The following ZNF43 variants were observed in gnomAD, a reference collection of about 807,000 sequenced individuals.
ZNF43 encodes the protein zinc finger protein 43, also known as zinc finger protein 39-like 1 (KOX 27).
Under a neutral mutation model 68.4 loss-of-function variants are expected in ZNF43, and 44 were observed. The observed-to-expected ratio is 0.64, with a 90% CI of 0.51 to 0.83. The LOEUF (loss-of-function observed/expected upper bound fraction) is 0.83, where lower values mean the gene tolerates loss of function less well. Ranked by LOEUF, ZNF43 falls within the 40% of genes least tolerant of loss-of-function variation. The probability of loss-of-function intolerance (pLI) is 0.00; values close to 1 mark genes in which losing one functional copy is unlikely to be tolerated. For missense variants in ZNF43, 896 were observed against 933.2 expected (o/e 0.96, Z 0.52); for synonymous variants, 308 against 307.8 (o/e 1.00, Z -0.01).
At chr19:21,827,786 C>G (rs1447173331) in intron 1 of ZNF43, among the ~76,000 whole-genome samples, 1 of 151,904 alleles carries the variant, frequency 6.6e-6, no homozygotes, top group African/African-American at 2.4e-5. Flanking sequence ...CTCAGCCTCC[C>G]AAGTAGCTAG....
At chr19:21,844,827 G>A (rs955927011) in intron 1 of ZNF43, among the ~76,000 whole-genome samples, 70 of 145,122 alleles carry the variant, frequency 4.8e-4, no homozygotes, top group Non-Finnish European at 9.4e-4. Flanking sequence ...AACCCAGCAG[G>A]TGGAGCTTGC....
chr19:21,829,693 G>A (rs1443262170), intron 1 of ZNF43, among the ~76,000 whole-genome samples: 2 of 152,108 alleles, frequency 1.3e-5, no homozygotes, highest in Admixed American at 6.6e-5. Context: ...GAACAAGATA[G>A]TCTCTCTTAT....
At chr19:21,824,732 T>TAAAAAAAA (rs34739856) in intron 1 of ZNF43, among the ~76,000 whole-genome samples, 1 of 107,234 alleles carries the variant, frequency 9.3e-6, no homozygotes, top group African/African-American at 3.2e-5. Flanking sequence ...TATGTTTACC[T>TAAAAAAAA]AAAAAAAAAA....
chr19:21,827,270 A>G (rs1357265430), intron 1 of ZNF43: 1 of 152,150 alleles, frequency 6.6e-6, no homozygotes, highest in Non-Finnish European at 1.5e-5. Context: ...CAATTTCCAC[A>G]TGCACCTTTT....
At chr19:21,838,524 C>T (rs1338023502), upstream of ZNF43, among the ~76,000 whole-genome samples, 3 of 151,886 alleles carry the variant, frequency 2.0e-5, no homozygotes, top group Non-Finnish European at 2.9e-5. Context: ...CTCAGCCTCC[C>T]GAGTAGCTGG....
chr19:21,844,461 G>T (rs1003514835), intron 1 of ZNF43, among the ~76,000 whole-genome samples: 5 of 150,996 alleles, frequency 3.3e-5, no homozygotes, highest in African/African-American at 1.2e-4. Flanking sequence ...TGAGAGAGTG[G>T]TAATTCTCCA....
At chr19:21,821,050 G>T (rs370845837) in intron 1 of ZNF43, among the ~76,000 whole-genome samples, 71 of 150,726 alleles carry the variant, frequency 4.7e-4, no homozygotes, top group African/African-American at 1.5e-3. Context: ...GGTCAGGCTG[G>T]TCTCAAACTC....
At chr19:21,849,107 T>C (rs1599554855) in intron 1 of ZNF43, among the ~76,000 whole-genome samples, 1 of 152,030 alleles carries the variant, frequency 6.6e-6, no homozygotes, top group Admixed American at 6.6e-5. Flanking sequence ...GTTGGTGGGG[T>C]GGGCAAAGAA....
chr19:21,844,664 G>A (rs576083546), intron 1 of ZNF43, among the ~76,000 whole-genome samples: 2 of 151,564 alleles, frequency 1.3e-5, no homozygotes, highest in South Asian at 2.1e-4. Context: ...TTGGGAGACC[G>A]AGGCAGGCGG....
At chr19:21,837,411 CTTACTTT>C (rs1967186304), upstream of ZNF43, among the ~76,000 whole-genome samples, 1 of 131,272 alleles carries the variant, frequency 7.6e-6, no homozygotes, top group Non-Finnish European at 1.6e-5. Flanking sequence ...TTTGCCTACA[CTTACTTT>C]TTTTTTTTTT....
intron 1 of ZNF43, among the ~76,000 whole-genome samples, chr19:21,832,948 A>G (rs1226499167): frequency 4.6e-5 from 7 of 152,230 alleles, no homozygotes; most frequent in Non-Finnish European, 1.0e-4. Context: ...CATAAAATTT[A>G]GCATTAAACT....
rs34739856 is a variant in ZNF43 at position 21,824,732 on chromosome 19, TAAA to T, written c.4-5514_4-5512del. The stretch of plus-strand genomic sequence containing the variant: ...GCACATTTAAAATAATATGTTTACC[TAAA>T]AAAAAAAAAAAAAAAAGAAAAAAGA... On this transcript the variant is annotated intron_variant, in intron 1 of 3. Coordinates refer to ENST00000354959, the MANE Select transcript of ZNF43 (RefSeq NM_003423.4). 1.0e-3 allele frequency among the ~76,000 whole-genome samples: 112 copies of T among 107,232 alleles called. 1 individual carries two copies. Among genetic ancestry groups the T allele is most frequent in the South Asian group, 1.2e-3 (4 of 3,304 alleles). 70.3% of individuals were successfully genotyped at this position (107,232 alleles called of 152,430 possible).
At chr19:21,845,980 T>C (rs1967923482) in intron 1 of ZNF43, among the ~76,000 whole-genome samples, 1 of 151,314 alleles carries the variant, frequency 6.6e-6, no homozygotes. Context: ...TAAATCTTTT[T>C]TTGTTCAGAG....
Position 21,817,818 on chromosome 19 carries a change from G to A in ZNF43, c.229+70C>T. 6 of 1,460,434 alleles carry A rather than the reference G, an allele frequency of 4.1e-6. No individual in the cohort carries two copies. In the South Asian group the frequency reaches 6.0e-5, roughly 15 times the overall value. The allele number at this position is 1,460,434 out of a possible 1,614,324, so 90.5% of individuals were successfully genotyped here. A position where few individuals can be genotyped will look rare whatever the true frequency, so the allele number is the denominator to read the frequency against. ...CACAGCTTCCCAAGTCACATTTTAA[G>A]GACTGGCTTTCCCCTTAACCTTTGG... On this transcript the variant is annotated intron_variant, in intron 3 of 3. Transcript: ENST00000354959.
rs754996905 is a variant in ZNF43, at chr19:21,836,028, ACT to A, written c.3+6_3+7del. On this transcript the variant is annotated splice_donor_region_variant and intron_variant, in intron 1 of 3. Coordinates refer to ENST00000354959, the MANE Select transcript of ZNF43 (RefSeq NM_003423.4). ...CCCCCTCTCGGGATGTCGGACCGGC[ACT>A]CTCACCATTTCTAGGCTTCCGGGGG... The A allele has an allele frequency of 1.2e-6, 2 of 1,613,768 alleles. No homozygotes were observed. Among genetic ancestry groups the A allele is most frequent in the Non-Finnish European group, 8.5e-7 (1 of 1,179,810 alleles).
intron 1 of ZNF43, among the ~76,000 whole-genome samples, chr19:21,832,162 C>T (rs1221988214): frequency 1.3e-5 from 2 of 152,168 alleles, no homozygotes; most frequent in Non-Finnish European, 2.9e-5. Context: ...ACCAAAGCAG[C>T]ATGGTACTGT....
At chr19:21,827,662 ATTT>A (rs74174045) in intron 1 of ZNF43, among the ~76,000 whole-genome samples, 1 of 128,268 alleles carries the variant, frequency 7.8e-6, no homozygotes. Context: ...GCGCCTGGCC[ATTT>A]TTTTTTTTTT....
intron 1 of ZNF43, among the ~76,000 whole-genome samples, chr19:21,822,489 G>A (rs1477038305): frequency 6.6e-6 from 1 of 151,334 alleles, no homozygotes; most frequent in Admixed American, 6.6e-5. Context: ...CAGAAAAAAA[G>A]CAGAGAGATG....
At chr19:21,836,257 C>A (rs978874160), upstream of ZNF43, 21 of 1,378,320 alleles carry the variant, frequency 1.5e-5, no homozygotes, top group Non-Finnish European at 2.0e-5. Flanking sequence ...TCCAGCCCAG[C>A]GTCCCTGATT....
Sources: allele counts gnomAD v4.1 joint callset (sites outside exome capture counted in the v4.1 genomes callset), GRCh38; gene constraint gnomAD v4.1.1; transcripts MANE v1.5; gene names NCBI Gene and HGNC (gene_info 2026-07-23, HGNC 2026-07-21).